Variants in ADTRP observed in about 807,000 individuals in gnomAD.
ADTRP encodes the protein androgen dependent TFPI regulating protein.
A neutral mutation model predicts 27.0 loss-of-function variants in ADTRP; 20 were observed. The observed-to-expected ratio is 0.74, with a 90% CI of 0.52 to 1.08. The LOEUF is 1.08. Ranked by LOEUF, ADTRP falls within the 50% of genes least tolerant of loss-of-function variation. The pLI is 0.00. For missense variants in ADTRP, 251 were observed against 275.0 expected, an observed-to-expected ratio of 0.91 and a Z score of 0.62; for synonymous variants, 101 against 105.2, an observed-to-expected ratio of 0.96 and a Z score of 0.25.
At chr6:11,735,962 C>G in intron 3 of ADTRP, 1 of 242,448 alleles carries the variant, frequency 4.1e-6, no homozygotes, top group Non-Finnish European at 8.3e-6. Context: ...TTTTTTTTGG[C>G]GGGGGTGGGG....
chr6:11,735,902 C>T, intron 3 of ADTRP: 1 of 485,628 alleles, frequency 2.1e-6, no homozygotes, highest in Non-Finnish European at 3.7e-6. Context: ...TGCAATGTGT[C>T]TCACCCTCTC....
intron 5 of ADTRP, chr6:11,717,326 T>G (rs1761865019): frequency 1.5e-6 from 2 of 1,304,298 alleles, no homozygotes; most frequent in African/African-American, 3.0e-5. Flanking sequence ...TCTTGACCAG[T>G]TGGTGCTTGG....
chr6:11,736,717 T>A (rs1274742217), intron 3 of ADTRP: 1 of 152,356 alleles, frequency 6.6e-6, no homozygotes, highest in African/African-American at 2.4e-5. Context: ...CTCTTGCTAA[T>A]TTCTCTCAGT....
intron 4 of ADTRP, among the ~76,000 whole-genome samples, chr6:11,732,885 T>C (rs2113896023): frequency 6.6e-6 from 1 of 152,316 alleles, no homozygotes; most frequent in South Asian, 2.1e-4. Context: ...TGCCCATCCA[T>C]CCAGCATTTA....
At chr6:11,753,993 G>A (rs1763133371) in intron 3 of ADTRP, among the ~76,000 whole-genome samples, 1 of 152,066 alleles carries the variant, frequency 6.6e-6, no homozygotes, top group African/African-American at 2.4e-5. Context: ...TGTGTTAATC[G>A]AGGTGCTCTC....
intron 3 of ADTRP, among the ~76,000 whole-genome samples, chr6:11,748,479 G>T (rs1762938701): frequency 6.6e-6 from 1 of 152,252 alleles, no homozygotes; most frequent in African/African-American, 2.4e-5. Context: ...ACCAGGCATT[G>T]TGTGAGGTGC....
chr6:11,723,228 G>T, intron 5 of ADTRP, 121 bp downstream of exon 5: 1 of 1,364,240 alleles, frequency 7.3e-7, no homozygotes, highest in Non-Finnish European at 1.0e-6. Context: ...TGAGTACTTT[G>T]GACAAAGACA....
At chr6:11,719,279 C>A (rs1341737010) in intron 5 of ADTRP, among the ~76,000 whole-genome samples, 1 of 152,188 alleles carries the variant, frequency 6.6e-6, no homozygotes, top group Non-Finnish European at 1.5e-5. Flanking sequence ...CCCAGATCCA[C>A]TAAATCAGAA....
chr6:11,723,526 G>T, intron 4 of ADTRP, 26 bp from the exon 5 acceptor site: 1 of 1,611,130 alleles, frequency 6.2e-7, no homozygotes, highest in Non-Finnish European at 8.5e-7. Flanking sequence ...AGTCGTGGTG[G>T]TTATAGCAGG....
At chr6:11,771,074 T>C (rs924942279) in intron 1 of ADTRP, among the ~76,000 whole-genome samples, 3 of 152,188 alleles carry the variant, frequency 2.0e-5, no homozygotes, top group Admixed American at 6.5e-5. Flanking sequence ...GACTTTCTCC[T>C]GCCTCTCCCA....
rs552729925 is a variant in ADTRP at position 11,724,101 on chromosome 6, C to G, written c.507-601G>C. 8.1e-4 allele frequency among the ~76,000 whole-genome samples: 120 copies of G among 148,220 alleles called. 1 individual carries two copies. Among genetic ancestry groups the G allele is most frequent in the African/African-American group, 3.0e-3 (118 of 39,248 alleles). ...AACAAACAAACAAACATAGAACCAT[C>G]GTTAGCTAAAGAACTAAAGAGAGTA... is the stretch of plus-strand genomic sequence containing the variant. On this transcript the variant is annotated intron_variant, in intron 4 of 5. Transcript: ENST00000414691.
intron 1 of ADTRP, among the ~76,000 whole-genome samples, chr6:11,770,509 GA>G (rs1370868183): frequency 6.6e-6 from 1 of 152,148 alleles, no homozygotes; most frequent in Non-Finnish European, 1.5e-5. Context: ...TTGTCTAAGG[GA>G]CAGGAAGGGA....
rs79505193 is a variant in ADTRP at position 11,772,786 on chromosome 6, G to A, written c.154-4403C>T. Among the ~76,000 whole-genome samples, 1,173 of 152,294 alleles carry A rather than the reference G, an allele frequency of 7.7e-3. 29 individuals carry two copies. The highest frequency in any genetic ancestry group is 0.027 in the African/African-American group (1,109 of 41,554). On this transcript the variant is annotated intron_variant, in intron 1 of 5. Transcript: ENST00000414691. Reference sequence around the variant, plus strand: ...TACTTTGCCAAGTATATCTGTATTCGTATGGAATATAGGATTTCTGTCATC... The same window carrying A: ...TACTTTGCCAAGTATATCTGTATTCATATGGAATATAGGATTTCTGTCATC...
chr6:11,776,051 A>G (rs1399684549), intron 1 of ADTRP, among the ~76,000 whole-genome samples: 2 of 162 alleles, frequency 0.012, no homozygotes, highest in Non-Finnish European at 0.034. Context: ...TAATCAGCCC[A>G]TGAATCTCAA....
intron 5 of ADTRP, among the ~76,000 whole-genome samples, chr6:11,723,107 G>A (rs999257061): frequency 6.6e-6 from 1 of 152,186 alleles, no homozygotes. Context: ...AAAGTTAAAT[G>A]ACACATTGTT....
intron 5 of ADTRP, among the ~76,000 whole-genome samples, chr6:11,718,929 G>T (rs879698345): frequency 1.3e-5 from 2 of 152,210 alleles, no homozygotes; most frequent in African/African-American, 4.8e-5. Flanking sequence ...TGAGTGCCCT[G>T]GGAGGACCTC....
chr6:11,724,044 G>C (rs1399016378), intron 4 of ADTRP, among the ~76,000 whole-genome samples: 6 of 150,626 alleles, frequency 4.0e-5, no homozygotes, highest in African/African-American at 2.4e-5. Context: ...TGGGCAACAA[G>C]AGTGAAACTT....
Position 11,735,637 on chromosome 6 carries a change from G to A in ADTRP, c.437C>T (p.Pro146Leu). The A allele has an allele frequency of 6.2e-7, 1 of 1,614,098 alleles. No individual in the cohort carries two copies. Among genetic ancestry groups the A allele is most frequent in the Non-Finnish European group, 8.5e-7 (1 of 1,179,992 alleles). The part of the protein sequence containing the change: ...PITLAEVVLR[P>L]HSYPSKKTGL... ...TGTCTTCTTTGATGGATAGGAGTGA[G>A]GCCTGAGGACGACTTCAGCCAATGT... is the stretch of plus-strand genomic sequence containing the variant. Residue 146 changes from proline to leucine, a missense_variant, in exon 4 of 6, where the codon CCT becomes CTT. Transcript: ENST00000414691.
rs770169717 is a variant in ADTRP, at chr6:11,765,319, G to GTTTTTTTTTTTTTTTTTTTTTTT, written c.390+954_390+955insAAAAAAAAAAAAAAAAAAAAAAA. Among the ~76,000 whole-genome samples, 3 of 112,526 alleles carry GTTTTTTTTTTTTTTTTTTTTTTT rather than the reference G, an allele frequency of 2.7e-5. 1 individual carries two copies. The allele number at this position is 112,526 out of a possible 152,430, so 73.8% of individuals were successfully genotyped here. A position where few individuals can be genotyped will look rare whatever the true frequency, so the allele number is the denominator to read the frequency against. The stretch of plus-strand genomic sequence containing the variant: ...GCCACTTCCTTGTGCCTTTCCCCTG[G>GTTTTTTTTTTTTTTTTTTTTTTT]TTTGTTTTTTTTTTTTTTTTTTTTT... On this transcript the variant is annotated intron_variant, in intron 3 of 5. Coordinates refer to ENST00000414691, the MANE Select transcript of ADTRP (RefSeq NM_032744.4).
Sources: gnomAD v4.1 joint callset for allele counts (sites outside exome capture counted in the v4.1 genomes callset) on GRCh38, gnomAD v4.1.1 for gene constraint, MANE v1.5 for transcripts, NCBI Gene and HGNC (gene_info 2026-07-23, HGNC 2026-07-21) for gene names.